Variants in DNAJC8 observed in about 807,000 individuals in gnomAD.
The protein encoded by DNAJC8 is dnaJ homolog subfamily C member 8.
Under a neutral mutation model 43.2 loss-of-function variants are expected in DNAJC8, and 24 were observed. The observed-to-expected ratio is 0.56, with a 90% CI of 0.40 to 0.78. The LOEUF (loss-of-function observed/expected upper bound fraction) is 0.78. Ranked by LOEUF, DNAJC8 falls within the 30% of genes least tolerant of loss-of-function variation. DNAJC8 has a pLI of 0.00. For missense variants in DNAJC8, 207 were observed against 299.4 expected, an observed-to-expected ratio of 0.69 and a Z score of 2.28; for synonymous variants, 83 against 98.0, an observed-to-expected ratio of 0.85 and a Z score of 0.90.
chr1:28,209,893 T>C (rs551754510), intron 5 of DNAJC8, 79 bp downstream of exon 5: 2 of 1,270,980 alleles, frequency 1.6e-6, no homozygotes, highest in Non-Finnish European at 2.3e-6. Flanking sequence ...GGCATTACTA[T>C]GTTCATATGT....
At position 28,210,041 on chromosome 1, in the gene DNAJC8, T is replaced by C. The variant is rs757738226; in HGVS notation, c.330A>G (p.Leu110=). ...CCCTCTTCTTTTGCTCCTGATCCAG[T>C]AGCAACTTGTAAGCTTTGTCCACAG... ...FEAVDKAYKL[L]LDQEQKKRAL... is the part of the protein sequence containing the mutation. The change falls in exon 5 of 9, where the codon CTA becomes CTG. Residue 110 remains leucine, a synonymous_variant. Coordinates refer to ENST00000263697, the MANE Select transcript of DNAJC8 (RefSeq NM_014280.3). The C allele has an allele frequency of 2.5e-6, 4 of 1,614,126 alleles. No individual in the cohort carries two copies. The highest frequency in any genetic ancestry group is 3.4e-6 in the Non-Finnish European group (4 of 1,179,958).
Position 28,203,598 on chromosome 1 carries a change from TG to T in DNAJC8, c.639+148del, listed in dbSNP as rs1646750825. 1.5e-5 allele frequency: 11 copies of T among 746,154 alleles called. No individual in the cohort carries two copies. The South Asian group carries it at 1.8e-4, about 12-fold the overall frequency. 46.2% of individuals were successfully genotyped at this position (746,154 alleles called of 1,614,324 possible). A position where few individuals can be genotyped will look rare whatever the true frequency, so the allele number is the denominator to read the frequency against. ...CAAGGCTACAGAGCTTACAGGAGGC[TG>T]AGGCAGGCCCAGCCTCATTCTTCAC... On this transcript the variant is annotated intron_variant, in intron 8 of 8. Coordinates refer to ENST00000263697, the MANE Select transcript of DNAJC8 (RefSeq NM_014280.3).
At chr1:28,211,369 C>T (rs1259757800) in intron 3 of DNAJC8, among the ~76,000 whole-genome samples, 1 of 152,172 alleles carries the variant, frequency 6.6e-6, no homozygotes, top group Non-Finnish European at 1.5e-5. Flanking sequence ...CTCATTGGAA[C>T]ATTTTGAATT....
At chr1:28,203,920 A>C in intron 7 of DNAJC8, 98 bp from the exon 8 acceptor site, 1 of 1,173,336 alleles carries the variant, frequency 8.5e-7, no homozygotes, top group Non-Finnish European at 1.3e-6. Flanking sequence ...ATATATAGTA[A>C]ATCAATTCCC....
At chr1:28,208,312 A>G in intron 6 of DNAJC8, 30 bp downstream of exon 6, 1 of 1,581,078 alleles carries the variant, frequency 6.3e-7, no homozygotes, top group Non-Finnish European at 8.6e-7. Flanking sequence ...ATCACACAAG[A>G]TACAGTGGCT....
intron 2 of DNAJC8, among the ~76,000 whole-genome samples, chr1:28,217,051 G>A (rs964507506): frequency 5.9e-5 from 9 of 151,798 alleles, no homozygotes; most frequent in Admixed American, 6.6e-5. Context: ...CAGGTGATCC[G>A]CCTGCCTCGG....
intron 3 of DNAJC8, among the ~76,000 whole-genome samples, chr1:28,212,212 T>TATATAA: frequency 8.6e-6 from 1 of 116,656 alleles, no homozygotes; most frequent in Non-Finnish European, 1.7e-5. Context: ...TATATATATA[T>TATATAA]ATAAATGAAA....
At chr1:28,222,485 C>CAAAAAAAA (rs35878807) in intron 2 of DNAJC8, among the ~76,000 whole-genome samples, 5 of 44,660 alleles carry the variant, frequency 1.1e-4, no homozygotes, top group Admixed American at 2.2e-4. Context: ...GACTCCATCT[C>CAAAAAAAA]AAAAAAAAAA....
At chr1:28,210,336 A>ATCC in intron 4 of DNAJC8, 1 of 564,138 alleles carries the variant, frequency 1.8e-6, no homozygotes, top group South Asian at 2.4e-5. Flanking sequence ...AAAAAAAATG[A>ATCC]TCCTATGCAA....
At chr1:28,202,578 CT>C (rs749474061) in intron 8 of DNAJC8, among the ~76,000 whole-genome samples, 5 of 131,214 alleles carry the variant, frequency 3.8e-5, no homozygotes, top group East Asian at 2.2e-4. Context: ...CTCACCCGGC[CT>C]TTTTTTTTCT....
chr1:28,203,260 C>T (rs148905921), intron 8 of DNAJC8, among the ~76,000 whole-genome samples: 10 of 152,318 alleles, frequency 6.6e-5, no homozygotes, highest in Non-Finnish European at 1.5e-4. Flanking sequence ...TTCTGTCCAA[C>T]CACCTGAAGC....
At chr1:28,210,480 C>T in intron 4 of DNAJC8, 91 bp downstream of exon 4, 1 of 1,181,618 alleles carries the variant, frequency 8.5e-7, no homozygotes, top group East Asian at 2.4e-5. Context: ...GAAGACAAAA[C>T]TATAACAGTC....
intron 4 of DNAJC8, 151 bp downstream of exon 4, chr1:28,210,420 G>A: frequency 3.1e-6 from 2 of 655,582 alleles, no homozygotes; most frequent in Non-Finnish European, 5.2e-6. Flanking sequence ...ACAACATTCT[G>A]CTTTGAAATG....
At chr1:28,221,947 A>G (rs1572068229) in intron 2 of DNAJC8, among the ~76,000 whole-genome samples, 1 of 152,354 alleles carries the variant, frequency 6.6e-6, no homozygotes, top group East Asian at 1.9e-4. Flanking sequence ...ACAACATTGA[A>G]GAACCCAAGA....
chr1:28,212,166 T>TAAATAAAAAAAA (rs1443725936), intron 3 of DNAJC8, among the ~76,000 whole-genome samples: 1 of 23,854 alleles, frequency 4.2e-5, no homozygotes, highest in South Asian at 1.1e-3. Context: ...AATAAATAAA[T>TAAATAAAAAAAA]AAATATATAT....
rs751501441 is a variant in DNAJC8, at chr1:28,232,965, C to T, written c.34G>A (p.Gly12Ser). 6.2e-6 allele frequency: 10 copies of T among 1,613,028 alleles called. 1 individual carries two copies. The South Asian group carries it at 9.9e-5, about 16-fold the overall frequency. Residue 12 changes from glycine to serine, a missense_variant, in exon 1 of 9, where the codon GGC (glycine) becomes AGC (serine). By Grantham distance (56) the Gly-to-Ser change is moderately conservative. Around this residue, in one of 2 missense-constraint regions of DNAJC8, gnomAD observed 48 missense variants for 31.9 expected, o/e 1.50. Coordinates refer to ENST00000263697, the MANE Select transcript of DNAJC8 (RefSeq NM_014280.3). ...AASGESGTSG[G>S]GGSTEEAFMT... ...AATGCTTCCTCGGTGCTGCCTCCGC[C>T]GCCTGAAGTCCCGCTCTCTCCTGAA...
At chr1:28,215,086 C>A in intron 2 of DNAJC8, 90 bp from the exon 3 acceptor site, 2 of 1,115,610 alleles carry the variant, frequency 1.8e-6, no homozygotes, top group East Asian at 2.6e-5. Flanking sequence ...ATATTATAAT[C>A]AGCATCTAGA....
At chr1:28,201,777 G>A (rs1377891016) in intron 8 of DNAJC8, among the ~76,000 whole-genome samples, 3 of 131,306 alleles carry the variant, frequency 2.3e-5, no homozygotes, top group South Asian at 2.4e-4. Flanking sequence ...CAACAAGAGC[G>A]AGACTTTGTA....
chr1:28,205,914 T>C (rs1356901121), intron 6 of DNAJC8, among the ~76,000 whole-genome samples: 1 of 151,894 alleles, frequency 6.6e-6, no homozygotes, highest in Non-Finnish European at 1.5e-5. Flanking sequence ...CGGGGCATGG[T>C]GGTGCACACC....
Sources: allele counts gnomAD v4.1 joint callset (sites outside exome capture counted in the v4.1 genomes callset), GRCh38; gene constraint gnomAD v4.1.1; regional missense constraint gnomAD v4.1.1; transcripts MANE v1.5; gene names NCBI Gene and HGNC (gene_info 2026-07-23, HGNC 2026-07-21).